TESMIN: variants seen among roughly 807,000 people sequenced by gnomAD.
TESMIN encodes the protein testis expressed metallothionein like protein.
Under a neutral mutation model 47.4 loss-of-function variants are expected in TESMIN, and 34 were observed. The observed-to-expected ratio is 0.72, with a 90% CI of 0.55 to 0.96. TESMIN has a LOEUF of 0.96. TESMIN is among the 40% of genes least tolerant of loss of function. TESMIN has a pLI of 0.00. For missense variants in TESMIN, 610 were observed against 637.2 expected (o/e 0.96, Z 0.46); for synonymous variants, 278 against 258.9 (o/e 1.07, Z -0.71).
At chr11:68,740,259 G>C (rs1946440362) in intron 5 of TESMIN, among the ~76,000 whole-genome samples, 1 of 152,180 alleles carries the variant, frequency 6.6e-6, no homozygotes, top group African/African-American at 2.4e-5. Flanking sequence ...CTGGTCCATG[G>C]ACCACACTTT....
At chr11:68,714,272 G>A (rs566438736) in intron 7 of TESMIN, among the ~76,000 whole-genome samples, 14 of 152,350 alleles carry the variant, frequency 9.2e-5, no homozygotes, top group African/African-American at 2.2e-4. Context: ...CCTGCGGTGC[G>A]CGGCTTTAGG....
intron 6 of TESMIN, among the ~76,000 whole-genome samples, chr11:68,731,219 G>C (rs1946322934): frequency 6.6e-6 from 1 of 152,116 alleles, no homozygotes. Context: ...ACTTTCCATG[G>C]AGCCTTGACT....
At chr11:68,736,430 C>T in intron 6 of TESMIN, 3 of 985,408 alleles carry the variant, frequency 3.0e-6, no homozygotes, top group Non-Finnish European at 3.6e-6. Context: ...TATGGCTGAA[C>T]CACACTGGGC....
Position 68,744,987 on chromosome 11 carries a change from G to A in TESMIN, c.751+4C>T. ...ATAGTTTTTTTTATTAATTAACTTT[G>A]TACCTGACTGTAGATAATTATTTTG... On this transcript the variant is annotated splice_donor_region_variant and intron_variant, in intron 4 of 9. Coordinates refer to ENST00000255087, the MANE Select transcript of TESMIN (RefSeq NM_004923.3). 1 of 1,548,538 alleles carries A rather than the reference G, an allele frequency of 6.5e-7. No homozygotes were observed. The highest frequency in any genetic ancestry group is 8.7e-7 in the Non-Finnish European group (1 of 1,153,656).
intron 9 of TESMIN, among the ~76,000 whole-genome samples, chr11:68,709,776 G>A (rs1056331733): frequency 5.3e-5 from 8 of 152,110 alleles, no homozygotes; most frequent in African/African-American, 1.7e-4. Flanking sequence ...GGCCCCCACC[G>A]GACTCCACAG....
At chr11:68,716,049 A>C (rs895683941) in intron 6 of TESMIN, 110 bp from the exon 7 acceptor site, 1 of 694,718 alleles carries the variant, frequency 1.4e-6, no homozygotes, top group East Asian at 2.7e-5. Flanking sequence ...CAGTCAGAAC[A>C]CTGAACACTT....
At chr11:68,706,501 A>G (rs1448705141), downstream of TESMIN, among the ~76,000 whole-genome samples, 1 of 152,180 alleles carries the variant, frequency 6.6e-6, no homozygotes, top group Non-Finnish European at 1.5e-5. Context: ...GGATCTCCCT[A>G]GGCAGCCGTT....
At chr11:68,737,598 G>A (rs1171383270) in intron 6 of TESMIN, 10 of 985,542 alleles carry the variant, frequency 1.0e-5, no homozygotes, top group Non-Finnish European at 1.2e-5. Context: ...CCCAGGGTAT[G>A]TGTTTGCCTT....
rs113488664 is a variant in TESMIN at position 68,712,028 on chromosome 11, A to AG, written c.1159-980dup. On this transcript the variant is annotated intron_variant, in intron 8 of 9. Transcript: ENST00000255087. ...CTTTCCAGCTGAGAGATGCATCTTC[A>AG]GGGGGATGCGTTCTGTTTCATCTGC... Among the ~76,000 whole-genome samples the AG allele has an allele frequency of 1.1e-4, 16 of 152,334 alleles. 1 individual carries two copies. Among genetic ancestry groups the AG allele is most frequent in the African/African-American group, 3.6e-4 (15 of 41,570 alleles).
At position 68,737,743 on chromosome 11, in the gene TESMIN, C is replaced by T. The variant is rs992269842; in HGVS notation, c.917+957G>A. The T allele has an allele frequency of 4.5e-6, 4 of 895,550 alleles. No homozygotes were observed. In the African/African-American group the frequency reaches 7.2e-5, roughly 16 times the overall value. 55.5% of individuals were successfully genotyped at this position (895,550 alleles called of 1,614,324 possible). On this transcript the variant is annotated intron_variant, in intron 6 of 9. Coordinates refer to ENST00000255087, the MANE Select transcript of TESMIN (RefSeq NM_004923.3). ...CCTGGCCAACATGGTAAAACCCAGTCTCTACTAAAAAATACAAAAATTAGC... is the reference window on the plus strand; with the variant it reads ...CCTGGCCAACATGGTAAAACCCAGTTTCTACTAAAAAATACAAAAATTAGC...
At chr11:68,748,668 C>T (rs187541054) in intron 2 of TESMIN, among the ~76,000 whole-genome samples, 1 of 152,264 alleles carries the variant, frequency 6.6e-6, no homozygotes, top group East Asian at 1.9e-4. Context: ...TCTGTTTAAA[C>T]GATAAACATG....
intron 6 of TESMIN, among the ~76,000 whole-genome samples, chr11:68,724,613 G>A (rs1458765168): frequency 4.6e-5 from 7 of 152,208 alleles, no homozygotes; most frequent in African/African-American, 1.7e-4. Flanking sequence ...AAAGGTTAAG[G>A]AGTGTGCACT....
chr11:68,730,392 T>C (rs1036841420), intron 6 of TESMIN, among the ~76,000 whole-genome samples: 1 of 152,270 alleles, frequency 6.6e-6, no homozygotes, highest in African/African-American at 2.4e-5. Flanking sequence ...TTTTAAGTTG[T>C]ATATTTTACA....
intron 6 of TESMIN, among the ~76,000 whole-genome samples, chr11:68,719,042 G>C (rs986807573): frequency 6.6e-6 from 1 of 152,200 alleles, no homozygotes. Context: ...GGAGTCAGGA[G>C]CCCAAACATG....
chr11:68,738,752 C>T lies in TESMIN; in HGVS notation c.865G>A (p.Ala289Thr), dbSNP rs1946420491. 1 of 1,614,074 alleles carries T rather than the reference C, an allele frequency of 6.2e-7. No homozygotes were observed. Among genetic ancestry groups the T allele is most frequent in the Non-Finnish European group, 8.5e-7 (1 of 1,179,952 alleles). Residue 289 changes from alanine (A) to threonine (T), a missense_variant, in exon 6 of 10, where the codon GCT (alanine) becomes ACT (threonine). Transcript: ENST00000255087. Reference protein sequence around the residue: ...GALPSVVNGSAFPSGSTLPGP... With the variant: ...GALPSVVNGSTFPSGSTLPGP... ...GGAAGAGTTGATCCCGAGGGGAAAGCAGACCCGTTGACTACCGATGGTAAG... is the reference window on the plus strand; with the variant it reads ...GGAAGAGTTGATCCCGAGGGGAAAGTAGACCCGTTGACTACCGATGGTAAG...
chr11:68,730,561 A>C (rs1189373936), intron 6 of TESMIN, among the ~76,000 whole-genome samples: 1 of 152,212 alleles, frequency 6.6e-6, no homozygotes, highest in Non-Finnish European at 1.5e-5. Context: ...TTGGGATGCC[A>C]TGGCGGGCAG....
At position 68,718,167 on chromosome 11, in the gene TESMIN, G is replaced by GCAGGCCCCAGTCAGCCCACGCCTCACCTA. The variant is rs1555223249; in HGVS notation, c.918-2229_918-2228insTAGGTGAGGCGTGGGCTGACTGGGGCCTG. Among the ~76,000 whole-genome samples, 699 of 134,914 alleles carry GCAGGCCCCAGTCAGCCCACGCCTCACCTA rather than the reference G, an allele frequency of 5.2e-3. 4 individuals carry two copies. Among genetic ancestry groups the GCAGGCCCCAGTCAGCCCACGCCTCACCTA allele is most frequent in the African/African-American group, 0.018 (649 of 36,184 alleles). The allele number at this position is 134,914 out of a possible 152,430, so 88.5% of individuals were successfully genotyped here. ...CCCCCGGTCAGCCCACCCCTCACCT[G>GCAGGCCCCAGTCAGCCCACGCCTCACCTA]CAGCCCCCAGTCAGCCCACACCTCA... On this transcript the variant is annotated intron_variant, in intron 6 of 9. Coordinates refer to ENST00000255087, the MANE Select transcript of TESMIN (RefSeq NM_004923.3).
chr11:68,742,193 G>A, intron 5 of TESMIN, 125 bp downstream of exon 5: 1 of 643,138 alleles, frequency 1.6e-6, no homozygotes, highest in Non-Finnish European at 2.6e-6. Context: ...CACTTGGTAA[G>A]TATTTCACTT....
chr11:68,744,306 C>G, intron 4 of TESMIN, among the ~76,000 whole-genome samples: 1 of 152,276 alleles, frequency 6.6e-6, no homozygotes, highest in South Asian at 2.1e-4. Flanking sequence ...AATGTGATTA[C>G]GTGCAGTCCC....
Sources: allele counts gnomAD v4.1 joint callset (sites outside exome capture counted in the v4.1 genomes callset), GRCh38; gene constraint gnomAD v4.1.1; transcripts MANE v1.5; gene names NCBI Gene and HGNC (gene_info 2026-07-23, HGNC 2026-07-21).